Variants in H2BC18 observed in about 807,000 individuals in gnomAD.
H2BC18 encodes the protein H2B clustered histone 18.
In H2BC18, 8 loss-of-function variants were observed where a neutral mutation model predicts 6.3. The ratio of observed to expected loss-of-function variants is 1.28; its 90% confidence interval spans 0.75 to 2.31. The LOEUF is 2.31. H2BC18 is among the 30% of genes most tolerant of loss of function. H2BC18 has a pLI of 0.00. For missense variants in H2BC18, 106 were observed against 174.5 expected, an observed-to-expected ratio of 0.61 and a Z score of 2.21; for synonymous variants, 104 against 78.1, an observed-to-expected ratio of 1.33 and a Z score of -1.75.
intron 1 of H2BC18, among the ~76,000 whole-genome samples, chr1:149,797,526 A>T (rs138148508): frequency 1.3e-5 from 2 of 152,106 alleles, no homozygotes; most frequent in Non-Finnish European, 2.9e-5. Flanking sequence ...GGAAGGTATG[A>T]TCTGTTTCAT....
intron 1 of H2BC18, chr1:149,791,652 T>G: frequency 5.5e-6 from 8 of 1,454,056 alleles, no homozygotes; most frequent in Non-Finnish European, 7.3e-6. Flanking sequence ...TTAAAGCAAA[T>G]AAATGAACTG....
At chr1:149,793,033 A>G in intron 1 of H2BC18, 3 of 1,255,258 alleles carry the variant, frequency 2.4e-6, no homozygotes, top group Non-Finnish European at 3.1e-6. Flanking sequence ...CGGGCCCGCC[A>G]GCTCCCGGGC....
downstream of H2BC18, among the ~76,000 whole-genome samples, chr1:149,810,196 T>C (rs2091958115): frequency 6.6e-6 from 1 of 152,116 alleles, no homozygotes; most frequent in African/African-American, 2.4e-5. Context: ...TAAATTCTCT[T>C]ATGGCCCAAC....
chr1:149,784,308 C>G, intron 1 of H2BC18: 1 of 1,610,162 alleles, frequency 6.2e-7, no homozygotes, highest in South Asian at 1.1e-5. Flanking sequence ...TCTTCCTCTG[C>G]GTTCTCTCCT....
At chr1:149,788,381 AG>A in intron 1 of H2BC18, 1 of 1,613,040 alleles carries the variant, frequency 6.2e-7, no homozygotes, top group Non-Finnish European at 8.5e-7. Flanking sequence ...CTACTACTGC[AG>A]GTCTCCAGCA....
At chr1:149,810,320 T>C (rs1421125996), downstream of H2BC18, 1 of 152,060 alleles carries the variant, frequency 6.6e-6, no homozygotes, top group East Asian at 1.9e-4. Context: ...TTCTCAGTTA[T>C]CTTTCCCTGA....
downstream of H2BC18, chr1:149,811,201 T>C (rs2101503507): frequency 6.6e-6 from 1 of 152,520 alleles, no homozygotes; most frequent in South Asian, 2.1e-4. Context: ...CCCAGAGGAC[T>C]GTCCTGTGCC....
chr1:149,787,366 A>G (rs1367606828), intron 1 of H2BC18: 1 of 152,230 alleles, frequency 6.6e-6, no homozygotes, highest in Non-Finnish European at 1.5e-5. Flanking sequence ...AGAAAAGAAA[A>G]GTAGTTGAAG....
In H2BC18 at chr1:149,812,366, G is replaced by A. The variant is rs374235338; in HGVS notation, c.-43C>T. ...GAAAAGAGACTTAAAGAAGTAATCC[G>A]AACTACCGCAAAACGGGCTGGTTAT... On this transcript the variant is annotated 5_prime_UTR_variant, in exon 1 of 1. Transcript: ENST00000369167. The A allele has an allele frequency of 2.6e-5, 42 of 1,613,512 alleles. No homozygotes were observed. The Admixed American group carries it at 5.2e-4, about 20-fold the overall frequency.
At chr1:149,810,538 T>A (rs1487627954), downstream of H2BC18, 3 of 151,990 alleles carry the variant, frequency 2.0e-5, no homozygotes, top group Non-Finnish European at 4.4e-5. Context: ...TCAAAGGCTG[T>A]CAAGTTAATT....
chr1:149,788,770 G>A (rs2091619973), intron 1 of H2BC18, among the ~76,000 whole-genome samples: 1 of 151,996 alleles, frequency 6.6e-6, no homozygotes, highest in Admixed American at 6.5e-5. Flanking sequence ...ACCAGTAGCT[G>A]GAACCAGAAC....
chr1:149,787,352 C>T (rs1398829777), intron 1 of H2BC18: 1 of 152,104 alleles, frequency 6.6e-6, no homozygotes, highest in Non-Finnish European at 1.5e-5. Flanking sequence ...CCAACTGCCT[C>T]TGGAGAAAAG....
At chr1:149,803,832 T>A (rs1476261939) in intron 1 of H2BC18, 1 of 152,230 alleles carries the variant, frequency 6.6e-6, no homozygotes, top group Non-Finnish European at 1.5e-5. Context: ...AATCTTAAGG[T>A]CTTCGGACTC....
chr1:149,799,895 C>T (rs2091846605), intron 1 of H2BC18, among the ~76,000 whole-genome samples: 2 of 152,182 alleles, frequency 1.3e-5, no homozygotes. Flanking sequence ...GTTCTCCATA[C>T]AGCAAGCAAG....
At chr1:149,808,875 C>T (rs2101496054), downstream of H2BC18, among the ~76,000 whole-genome samples, 1 of 151,922 alleles carries the variant, frequency 6.6e-6, no homozygotes, top group East Asian at 1.9e-4. Context: ...TCACTTTATC[C>T]CACAGAGGTC....
downstream of H2BC18, among the ~76,000 whole-genome samples, chr1:149,808,396 C>T (rs2101494736): frequency 6.6e-6 from 1 of 152,210 alleles, no homozygotes; most frequent in East Asian, 1.9e-4. Context: ...ACTCTCCATT[C>T]ACATAACATT....
chr1:149,785,362 T>G (rs2091513231), intron 1 of H2BC18, among the ~76,000 whole-genome samples: 1 of 148,826 alleles, frequency 6.7e-6, no homozygotes, highest in Admixed American at 6.8e-5. Flanking sequence ...TCTCTGTAAA[T>G]AAGTTCTTAG....
Position 149,790,001 on chromosome 1 carries a change from A to G in H2BC18, c.378-6741T>C, listed in dbSNP as rs1405483808. 5 of 1,613,076 alleles carry G rather than the reference A, an allele frequency of 3.1e-6. No individual in the cohort carries two copies. In the East Asian group the frequency reaches 1.1e-4, roughly 36 times the overall value. On this transcript the variant is annotated intron_variant, in intron 1 of 1. Transcript: ENST00000545683. ...GGGTAAAGGGCATGTCTTTTGTGAA[A>G]AGGACCTGGATGCTAAACAGGCAAC...
At chr1:149,808,683 A>G (rs2091945887), downstream of H2BC18, among the ~76,000 whole-genome samples, 1 of 152,220 alleles carries the variant, frequency 6.6e-6, no homozygotes, top group Non-Finnish European at 1.5e-5. Flanking sequence ...AAGTTTGTTC[A>G]TGTTGACATT....
Sources: allele counts gnomAD v4.1 joint callset (sites outside exome capture counted in the v4.1 genomes callset), GRCh38; gene constraint gnomAD v4.1.1; transcripts MANE v1.5; gene names NCBI Gene and HGNC (gene_info 2026-07-23, HGNC 2026-07-21).